CLIC4: variants seen among roughly 807,000 people sequenced by gnomAD.
CLIC4 encodes chloride intracellular channel protein 4.
CLIC4 carries 13 observed loss-of-function variants against 24.6 expected under a neutral mutation model. The ratio of observed to expected loss-of-function variants is 0.53; its 90% CI spans 0.34 to 0.84. CLIC4 has a LOEUF of 0.84. CLIC4 is among the 40% of genes least tolerant of loss of function. The pLI, the probability that CLIC4 is intolerant of heterozygous loss-of-function variation, is 0.01. For missense variants in CLIC4, 227 were observed against 301.7 expected (o/e 0.75, Z 1.83); for synonymous variants, 104 against 111.3 (o/e 0.93, Z 0.41).
chr1:24,757,565 C>A (rs530812475), intron 1 of CLIC4, among the ~76,000 whole-genome samples: 22 of 151,846 alleles, frequency 1.4e-4, no homozygotes, highest in Non-Finnish European at 2.5e-4. Flanking sequence ...CATAGTGAGA[C>A]CCTGTCTCTA....
At chr1:24,752,180 C>T (rs746850497) in intron 1 of CLIC4, among the ~76,000 whole-genome samples, 3 of 152,042 alleles carry the variant, frequency 2.0e-5, no homozygotes, top group Non-Finnish European at 2.9e-5. Flanking sequence ...GCTTCAGTTT[C>T]CTAACTTCTA....
intron 1 of CLIC4, among the ~76,000 whole-genome samples, chr1:24,762,863 G>A (rs1441216134): frequency 6.6e-6 from 1 of 152,156 alleles, no homozygotes; most frequent in Non-Finnish European, 1.5e-5. Flanking sequence ...TGCAAAGGGG[G>A]ATACATATGA....
chr1:24,786,483 A>G (rs1297801867), intron 1 of CLIC4, among the ~76,000 whole-genome samples: 1 of 152,262 alleles, frequency 6.6e-6, no homozygotes, highest in African/African-American at 2.4e-5. Context: ...CAGACAGCAA[A>G]GTAAAGAAAA....
intron 2 of CLIC4, among the ~76,000 whole-genome samples, chr1:24,800,965 C>T (rs1395705532): frequency 1.3e-5 from 2 of 150,290 alleles, no homozygotes; most frequent in Non-Finnish European, 3.0e-5. Context: ...AAACCAGAGA[C>T]CTTTGTTCAC....
intron 4 of CLIC4, among the ~76,000 whole-genome samples, chr1:24,827,538 T>G (rs1639798620): frequency 1.9e-5 from 2 of 104,340 alleles, no homozygotes; most frequent in Admixed American, 2.6e-4. Context: ...AGAGTCAGTC[T>G]GAGGTTTTTT....
chr1:24,767,169 A>G (rs531600563), intron 1 of CLIC4, among the ~76,000 whole-genome samples: 9 of 152,218 alleles, frequency 5.9e-5, no homozygotes, highest in Non-Finnish European at 1.2e-4. Flanking sequence ...AGGTTGGACA[A>G]GCTTGATGTA....
chr1:24,820,246 A>C (rs1639715725), intron 3 of CLIC4, among the ~76,000 whole-genome samples: 6 of 111,252 alleles, frequency 5.4e-5, no homozygotes, highest in Non-Finnish European at 7.2e-5. Context: ...CCTATGTCCC[A>C]CTTCTAGGTC....
At chr1:24,818,544 C>T (rs1639694720) in intron 3 of CLIC4, among the ~76,000 whole-genome samples, 1 of 152,326 alleles carries the variant, frequency 6.6e-6, no homozygotes. Flanking sequence ...ACCTCGGCCT[C>T]TCAAAGTGCT....
intron 1 of CLIC4, among the ~76,000 whole-genome samples, chr1:24,756,727 C>CT (rs937666360): frequency 2.3e-4 from 34 of 147,422 alleles, no homozygotes; most frequent in Middle Eastern, 3.6e-3. Context: ...TAATTAAGAA[C>CT]TTTTTTTTTT....
intron 4 of CLIC4, among the ~76,000 whole-genome samples, chr1:24,830,925 G>A (rs76904895): frequency 2.2e-3 from 329 of 152,232 alleles, no homozygotes; most frequent in Non-Finnish European, 3.5e-3. Context: ...ATACTCCTTT[G>A]TGATGATTGG....
At chr1:24,835,087 A>G (rs529576995) in intron 4 of CLIC4, among the ~76,000 whole-genome samples, 18 of 152,238 alleles carry the variant, frequency 1.2e-4, no homozygotes, top group African/African-American at 3.4e-4. Context: ...TAATGTCTCA[A>G]CTTTATTTTA....
chr1:24,794,661 T>C (rs1386541676), intron 1 of CLIC4, among the ~76,000 whole-genome samples: 1 of 152,222 alleles, frequency 6.6e-6, no homozygotes, highest in African/African-American at 2.4e-5. Context: ...CTGTTTACTC[T>C]GTTGATAGTT....
At chr1:24,760,380 A>G (rs919862898) in intron 1 of CLIC4, among the ~76,000 whole-genome samples, 2 of 152,110 alleles carry the variant, frequency 1.3e-5, no homozygotes, top group African/African-American at 4.8e-5. Context: ...AAAAAAGAAA[A>G]AGAAAAGAAA....
At chr1:24,756,804 T>A (rs1455614354) in intron 1 of CLIC4, among the ~76,000 whole-genome samples, 1 of 152,020 alleles carries the variant, frequency 6.6e-6, no homozygotes, top group African/African-American at 2.4e-5. Flanking sequence ...CACTGCAACC[T>A]CCGCCTCCCG....
At chr1:24,814,394 C>T (rs1639647822) in intron 3 of CLIC4, among the ~76,000 whole-genome samples, 175 bp downstream of exon 3, 1 of 152,180 alleles carries the variant, frequency 6.6e-6, no homozygotes, top group Non-Finnish European at 1.5e-5. Flanking sequence ...GGCCAATCAG[C>T]CATACTAAGA....
intron 1 of CLIC4, among the ~76,000 whole-genome samples, chr1:24,757,654 C>G (rs1434853651): frequency 1.3e-5 from 2 of 151,660 alleles, no homozygotes; most frequent in African/African-American, 4.9e-5. Flanking sequence ...TGAAAACAGA[C>G]TAATTAGGAA....
intron 1 of CLIC4, among the ~76,000 whole-genome samples, chr1:24,782,805 CTG>C (rs1639220733): frequency 6.6e-6 from 1 of 152,026 alleles, no homozygotes; most frequent in Admixed American, 6.6e-5. Context: ...CAGAGCAAAA[CTG>C]TCTCTACAAA....
rs755116697 is a variant in CLIC4, at chr1:24,840,893, G to A, written c.718G>A (p.Val240Ile). Residue 240 changes from valine to isoleucine, a missense_variant, in exon 6 of 6, where the codon GTT (valine) becomes ATT (isoleucine). Val to Ile is a conservative substitution (Grantham distance 29). Transcript: ENST00000374379. ...CAATACCTGTCCCAGTGATAAGGAG[G>A]TTGAAATAGCATATAGTGATGTAGC... ...FTNTCPSDKEVEIAYSDVAKR... is the reference protein window; with the variant it reads ...FTNTCPSDKEIEIAYSDVAKR... 7 of 1,611,104 alleles carry A rather than the reference G, an allele frequency of 4.3e-6. No homozygotes were observed. The highest frequency in any genetic ancestry group is 5.9e-6 in the Non-Finnish European group (7 of 1,178,600).
intron 4 of CLIC4, among the ~76,000 whole-genome samples, chr1:24,829,115 A>G (rs1362332940): frequency 6.6e-6 from 1 of 152,194 alleles, no homozygotes; most frequent in South Asian, 2.1e-4. Context: ...CCCCACCCAG[A>G]TGCTGACAAT....
Sources: gnomAD v4.1 joint callset for allele counts (sites outside exome capture counted in the v4.1 genomes callset) on GRCh38, gnomAD v4.1.1 for gene constraint, MANE v1.5 for transcripts, NCBI Gene and HGNC (gene_info 2026-07-23, HGNC 2026-07-21) for gene names.